Variants in AKAP13 observed in about 807,000 individuals in gnomAD.
The protein encoded by AKAP13 is A-kinase anchor protein 13.
In AKAP13, 80 loss-of-function variants were observed where a neutral mutation model predicts 264.5. That is an observed-to-expected ratio of 0.30 (90% CI 0.25 to 0.36). AKAP13 has a LOEUF of 0.36. Ranked by LOEUF, AKAP13 falls within the 10% of genes least tolerant of loss-of-function variation. The pLI, the probability that AKAP13 is intolerant of heterozygous loss-of-function variation, is 1.00. For synonymous variants in AKAP13, 1,380 were observed against 1,250.2 expected, an observed-to-expected ratio of 1.10 and a Z score of -2.19; for missense variants, 3,712 against 3,435.2, an observed-to-expected ratio of 1.08 and a Z score of -2.01.
intron 18 of AKAP13, among the ~76,000 whole-genome samples, chr15:85,709,753 T>C (rs2086529949): frequency 1.3e-5 from 2 of 152,152 alleles, no homozygotes; most frequent in Admixed American, 1.3e-4. Context: ...AATGGCACAG[T>C]CTTGGCTCAC....
chr15:85,709,008 A>G (rs1011749670), intron 18 of AKAP13, among the ~76,000 whole-genome samples: 2 of 152,340 alleles, frequency 1.3e-5, no homozygotes, highest in Admixed American at 1.3e-4. Flanking sequence ...AGAAGCACTA[A>G]AACTAGTGTC....
chr15:85,422,564 G>A (rs1205472197), intron 1 of AKAP13, among the ~76,000 whole-genome samples: 1 of 152,192 alleles, frequency 6.6e-6, no homozygotes, highest in Non-Finnish European at 1.5e-5. Flanking sequence ...TAATAATGGA[G>A]CAGTTTAAGA....
intron 14 of AKAP13, among the ~76,000 whole-genome samples, chr15:85,678,173 T>C (rs545640446): frequency 6.6e-6 from 1 of 152,344 alleles, no homozygotes; most frequent in East Asian, 1.9e-4. Context: ...ATTCCAGGAT[T>C]GCTTTTAATG....
intron 23 of AKAP13, among the ~76,000 whole-genome samples, chr15:85,721,723 A>G (rs1045364187): frequency 2.6e-5 from 4 of 152,268 alleles, no homozygotes; most frequent in African/African-American, 9.6e-5. Flanking sequence ...CACAGTACAT[A>G]AAGTTTCTTT....
Position 85,727,410 on chromosome 15 carries a change from G to A in AKAP13, c.7034G>A (p.Ser2345Asn). 6.2e-7 allele frequency: 1 copy of A among 1,614,212 alleles called. No homozygotes were observed. The highest frequency in any genetic ancestry group is 8.5e-7 in the Non-Finnish European group (1 of 1,180,034). The change falls in exon 29 of 37, where the codon AGT (serine) becomes AAT (asparagine). Residue 2345 changes from serine to asparagine, a missense_variant. Around this residue, in one of 3 missense-constraint regions of AKAP13, gnomAD observed 342 missense variants for 484.3 expected, o/e 0.71. Transcript: ENST00000394518. The surrounding 1 kb of genome is among the most constrained non-coding windows in gnomAD (Gnocchi z 5.3). ...AGAGATGAAGATGAAGGAATTCCTAGTGAGAATGAGGAAGAAAAGAAAATG... is the reference window on the plus strand; with the variant it reads ...AGAGATGAAGATGAAGGAATTCCTAATGAGAATGAGGAAGAAAAGAAAATG... ...LNRDEDEGIP[S>N]ENEEEKKMLD... is the part of the protein sequence containing the mutation.
At chr15:85,486,856 A>G (rs1048370512) in intron 2 of AKAP13, among the ~76,000 whole-genome samples, 1 of 147,940 alleles carries the variant, frequency 6.8e-6, no homozygotes, top group African/African-American at 2.5e-5. Context: ...CTCCTGCCTC[A>G]GCCTCCCAAG....
chr15:85,733,747 T>G (rs533446240), intron 30 of AKAP13, among the ~76,000 whole-genome samples: 1 of 152,170 alleles, frequency 6.6e-6, no homozygotes, highest in African/African-American at 2.4e-5. Flanking sequence ...ATATTCTAGT[T>G]TAGTTTTGAT....
intron 5 of AKAP13, among the ~76,000 whole-genome samples, chr15:85,562,691 CTTT>C (rs10598092): frequency 0.24 from 24,662 of 100,696 alleles, 3,185 homozygotes; most frequent in Middle Eastern, 0.48. Flanking sequence ...CTTTTCTTTT[CTTT>C]TTTTTTTTTT....
At chr15:85,585,887 T>C in intron 8 of AKAP13, 64 bp downstream of exon 8, 1 of 1,579,410 alleles carries the variant, frequency 6.3e-7, no homozygotes, top group South Asian at 1.1e-5. Flanking sequence ...CTGTGTCTTA[T>C]TTATGGCTTT....
intron 29 of AKAP13, among the ~76,000 whole-genome samples, chr15:85,728,514 C>T (rs1039581603): frequency 6.6e-6 from 1 of 152,166 alleles, no homozygotes; most frequent in African/African-American, 2.4e-5. Flanking sequence ...TAAAAAGAGC[C>T]CTTGCCCTTG....
chr15:85,442,490 AATAT>A (rs552607636), intron 1 of AKAP13, among the ~76,000 whole-genome samples: 1 of 110,456 alleles, frequency 9.1e-6, no homozygotes, highest in Non-Finnish European at 1.8e-5. Context: ...TAATATATAT[AATAT>A]ATATTATATT....
rs1555445610 is a variant in AKAP13, at chr15:85,570,084, A to AAAC, written c.663-5045_663-5044insCAA. On this transcript the variant is annotated intron_variant, in intron 5 of 36. Coordinates refer to ENST00000394518, the MANE Select transcript of AKAP13 (RefSeq NM_007200.5). ...GAGCGAGACTCCGTCTCAAAAAAAA[A>AAAC]AAAAAAAAAAACCACTGGATTTTGA... 1.8e-4 allele frequency among the ~76,000 whole-genome samples: 27 copies of AAAC among 151,648 alleles called. 1 individual carries two copies. In the East Asian group the frequency reaches 4.7e-3, roughly 27 times the overall value.
chr15:85,564,883 A>G (rs1015731328), intron 5 of AKAP13, among the ~76,000 whole-genome samples: 2 of 152,160 alleles, frequency 1.3e-5, no homozygotes, highest in Admixed American at 6.5e-5. Flanking sequence ...CTGGTTCTCA[A>G]TGGGGCTTCC....
intron 2 of AKAP13, among the ~76,000 whole-genome samples, chr15:85,520,896 C>T (rs1412383447): frequency 1.3e-5 from 2 of 152,220 alleles, no homozygotes; most frequent in African/African-American, 2.4e-5. Context: ...GGAGCCCAAG[C>T]TCGTCTTCTT....
Position 85,655,733 on chromosome 15 carries a change from A to G in AKAP13, c.4691A>G (p.His1564Arg), listed in dbSNP as rs555050692. 1 of 1,613,594 alleles carries G rather than the reference A, an allele frequency of 6.2e-7. No individual in the cohort carries two copies. The highest frequency in any genetic ancestry group is 1.3e-5 in the African/African-American group (1 of 75,056). ...SMRSLSPFRR[H>R]SWGPGKNAAS... The stretch of plus-strand genomic sequence containing the variant: ...CGCTCTCTTTCTCCCTTCCGGAGGC[A>G]CAGCTGGGGGCCTGGGAAAAATGCA... The change falls in exon 11 of 37, where the codon CAC (histidine) becomes CGC (arginine). Residue 1564 changes from histidine to arginine, a missense_variant. This residue lies in a region of AKAP13 where 2,759 missense variants were observed against 2,411.7 expected (regional missense o/e 1.14). Transcript: ENST00000394518.
chr15:85,707,528 A>T (rs1054482283), intron 17 of AKAP13, among the ~76,000 whole-genome samples: 1 of 152,194 alleles, frequency 6.6e-6, no homozygotes, highest in Non-Finnish European at 1.5e-5. Flanking sequence ...ACAGTCATAC[A>T]AATTTTGTAA....
chr15:85,497,475 G>A (rs1217528833), intron 2 of AKAP13, among the ~76,000 whole-genome samples: 1 of 152,178 alleles, frequency 6.6e-6, no homozygotes, highest in South Asian at 2.1e-4. Context: ...ACTGGGAAGA[G>A]CAGAGTGAGA....
intron 12 of AKAP13, among the ~76,000 whole-genome samples, chr15:85,660,561 C>T (rs1482659186): frequency 6.6e-6 from 1 of 152,014 alleles, no homozygotes; most frequent in African/African-American, 2.4e-5. Flanking sequence ...TTGCCACATT[C>T]TGTTTCTAAA....
chr15:85,462,091 G>T (rs1390607953), intron 1 of AKAP13, among the ~76,000 whole-genome samples: 2 of 152,142 alleles, frequency 1.3e-5, no homozygotes, highest in Admixed American at 6.5e-5. Flanking sequence ...AACAACAGTG[G>T]TTTCTGGAGG....
Sources: allele counts gnomAD v4.1 joint callset (sites outside exome capture counted in the v4.1 genomes callset), GRCh38; gene constraint gnomAD v4.1.1; regional missense constraint gnomAD v4.1.1; non-coding constraint Gnocchi (gnomAD v3.1); transcripts MANE v1.5; gene names NCBI Gene and HGNC (gene_info 2026-07-23, HGNC 2026-07-21).